DBNDD1: variants seen among roughly 807,000 people sequenced by gnomAD.
DBNDD1 encodes the protein dysbindin domain-containing protein 1.
Under a neutral mutation model 17.0 loss-of-function variants are expected in DBNDD1, and 14 were observed. The observed-to-expected ratio is 0.82, with a 90% confidence interval of 0.54 to 1.29. DBNDD1 has a LOEUF of 1.29. Ranked by LOEUF, DBNDD1 falls within the 50% of genes most tolerant of loss-of-function variation. The pLI, the probability that DBNDD1 is intolerant of heterozygous loss-of-function variation, is 0.00. For synonymous variants in DBNDD1, 105 were observed against 102.0 expected, an observed-to-expected ratio of 1.03 and a Z score of -0.18; for missense variants, 221 against 216.2, an observed-to-expected ratio of 1.02 and a Z score of -0.14.
intron 1 of DBNDD1, chr16:90,010,025 A>G: frequency 6.2e-7 from 1 of 1,614,148 alleles, no homozygotes; most frequent in Non-Finnish European, 8.5e-7. Flanking sequence ...AGTTGAGCAA[A>G]TATTCTTCCA....
intron 2 of DBNDD1, 156 bp from the exon 3 acceptor site, chr16:90,009,080 T>TGAGTA: frequency 8.3e-7 from 1 of 1,198,580 alleles, no homozygotes; most frequent in South Asian, 1.6e-5. Context: ...TGATGAGTGT[T>TGAGTA]GCGTATACTC....
intron 1 of DBNDD1, among the ~76,000 whole-genome samples, chr16:90,015,837 G>C (rs912207972): frequency 1.3e-5 from 2 of 152,104 alleles, no homozygotes; most frequent in African/African-American, 4.8e-5. Flanking sequence ...GATCGTCAGA[G>C]GCTGGGGGGT....
chr16:90,009,070 T>C, intron 2 of DBNDD1, 146 bp from the exon 3 acceptor site: 1 of 1,233,032 alleles, frequency 8.1e-7, no homozygotes, highest in Non-Finnish European at 1.1e-6. Flanking sequence ...CGGCAGGATC[T>C]GATGAGTGTT....
intron 1 of DBNDD1, among the ~76,000 whole-genome samples, chr16:90,018,525 T>C (rs2035688853): frequency 6.6e-6 from 1 of 152,206 alleles, no homozygotes; most frequent in Non-Finnish European, 1.5e-5. Context: ...GGTGGTGGGC[T>C]TGGCTGGGCA....
Position 90,011,056 on chromosome 16 carries a change from TG to T in DBNDD1, c.32-1627del, listed in dbSNP as rs780440413. On this transcript the variant is annotated intron_variant, in intron 1 of 3. Coordinates refer to ENST00000002501, the MANE Select transcript of DBNDD1 (RefSeq NM_001042610.3). ...CACCAGCACCTCCCACCTGAGTGGGTGCCCAGCGCACGCTTGTCAGATGGAT... is the reference window on the plus strand; with the variant it reads ...CACCAGCACCTCCCACCTGAGTGGGTCCCAGCGCACGCTTGTCAGATGGAT... 8.9e-4 allele frequency among the ~76,000 whole-genome samples: 136 copies of T among 152,266 alleles called. 1 individual carries two copies. Among genetic ancestry groups the T allele is most frequent in the Non-Finnish European group, 9.4e-4 (64 of 68,018 alleles).
intron 1 of DBNDD1, among the ~76,000 whole-genome samples, chr16:90,014,998 CT>C (rs67991459): frequency 0.79 from 114,910 of 146,070 alleles, 45,922 homozygotes; most frequent in Non-Finnish European, 0.86. Flanking sequence ...GAACGAGACT[CT>C]TGTTTCAAAA....
chr16:90,006,548 GC>G (rs1422360544), intron 3 of DBNDD1, 56 bp from the exon 4 acceptor site: 27 of 1,567,704 alleles, frequency 1.7e-5, no homozygotes, highest in Non-Finnish European at 2.2e-5. Context: ...GGTGGATGCT[GC>G]GGAGCTCCAG....
intron 1 of DBNDD1, among the ~76,000 whole-genome samples, chr16:90,018,725 C>G (rs931056465): frequency 2.6e-5 from 4 of 152,242 alleles, no homozygotes; most frequent in Non-Finnish European, 5.9e-5. Flanking sequence ...CCTACCCTCC[C>G]CGATGAGCGT....
chr16:90,010,156 C>T (rs2035525482), intron 1 of DBNDD1: 1 of 980,336 alleles, frequency 1.0e-6, no homozygotes. Context: ...AGCGATTCTC[C>T]TGCCTCATCC....
chr16:90,019,335 G>C lies in DBNDD1; in HGVS notation c.7C>G (p.Pro3Ala). 8.2e-7 allele frequency: 1 copy of C among 1,218,958 alleles called. No individual in the cohort carries two copies. Among genetic ancestry groups the C allele is most frequent in the Non-Finnish European group, 1.0e-6 (1 of 979,482 alleles). 75.5% of individuals were successfully genotyped at this position (1,218,958 alleles called of 1,614,324 possible). ME[P>A]PEGAGTGEIV... ...CCTCCGGTGCCGGCGCCCTCCGGGG[G>C]CTCCATGCGGCCGGTGCGGTCTGGG... Residue 3 changes from proline to alanine, a missense_variant, in exon 1 of 4, where the codon CCC (proline) becomes GCC (alanine). Transcript: ENST00000002501. The surrounding 1 kb of genome is among the most constrained non-coding windows in gnomAD (Gnocchi z 6.1).
intron 1 of DBNDD1, among the ~76,000 whole-genome samples, chr16:90,010,874 C>G (rs1440016267): frequency 1.3e-5 from 2 of 152,240 alleles, no homozygotes; most frequent in African/African-American, 4.8e-5. Context: ...GTGCATGCCC[C>G]CCTTTGGCCC....
At chr16:90,016,730 C>G (rs1297419992) in intron 1 of DBNDD1, among the ~76,000 whole-genome samples, 1 of 152,206 alleles carries the variant, frequency 6.6e-6, no homozygotes, top group Non-Finnish European at 1.5e-5. Flanking sequence ...CCAGCACATT[C>G]TCGACTGGGA....
chr16:90,009,541 C>T, intron 1 of DBNDD1, 111 bp from the exon 2 acceptor site: 2 of 1,489,530 alleles, frequency 1.3e-6, no homozygotes, highest in South Asian at 1.2e-5. Flanking sequence ...AAACTCTGGG[C>T]AGTGACCAGC....
chr16:90,012,876 GA>G (rs2035578244), intron 1 of DBNDD1, among the ~76,000 whole-genome samples: 3 of 151,938 alleles, frequency 2.0e-5, no homozygotes, highest in Admixed American at 2.0e-4. Flanking sequence ...TCAGCCTCCT[GA>G]GTAGCTGGGA....
intron 1 of DBNDD1, among the ~76,000 whole-genome samples, chr16:90,010,935 TC>T (rs149440033): frequency 1.3e-5 from 2 of 152,078 alleles, no homozygotes; most frequent in African/African-American, 4.8e-5. Context: ...CTGGCTTCCT[TC>T]CCCCCACCCA....
chr16:90,010,946 A>C (rs369855668), intron 1 of DBNDD1, among the ~76,000 whole-genome samples: 3 of 151,628 alleles, frequency 2.0e-5, no homozygotes, highest in Non-Finnish European at 4.4e-5. Flanking sequence ...CCCCCCACCC[A>C]TTGCCCCTGC....
chr16:90,014,834 C>T (rs1005642213), intron 1 of DBNDD1, among the ~76,000 whole-genome samples: 64 of 151,986 alleles, frequency 4.2e-4, no homozygotes, highest in African/African-American at 1.4e-3. Context: ...GGCGAAACCC[C>T]GTCTCTACTA....
Position 90,009,292 on chromosome 16 carries a change from T to C in DBNDD1, c.170A>G (p.Glu57Gly), listed in dbSNP as rs1391224103. The C allele has an allele frequency of 1.2e-6, 2 of 1,613,184 alleles. No homozygotes were observed. Among genetic ancestry groups the C allele is most frequent in the African/African-American group, 2.7e-5 (2 of 74,900 alleles). The change falls in exon 2 of 4, where the codon GAG becomes GGG. Residue 57 changes from glutamate to glycine, a missense_variant. Physicochemically the swap from Glu to Gly is moderately conservative, Grantham distance 98 (BLOSUM62 -2). Coordinates refer to ENST00000002501, the MANE Select transcript of DBNDD1 (RefSeq NM_001042610.3). ...VPAPGLLQVTERRQPLSSVSS... is the reference protein window; with the variant it reads ...VPAPGLLQVTGRRQPLSSVSS... ...CAGGGAGCAGTACTTACGCCTCCTC[T>C]CCGTGACCTGCAGGAGCCCCGGTGC...
chr16:90,010,271 C>A, intron 1 of DBNDD1: 1 of 430,122 alleles, frequency 2.3e-6, no homozygotes, highest in Non-Finnish European at 4.1e-6. Context: ...AACTCCTGAC[C>A]TCAGGTGATC....
Sources: allele counts gnomAD v4.1 joint callset (sites outside exome capture counted in the v4.1 genomes callset), GRCh38; gene constraint gnomAD v4.1.1; non-coding constraint Gnocchi (gnomAD v3.1); transcripts MANE v1.5; gene names NCBI Gene and HGNC (gene_info 2026-07-23, HGNC 2026-07-21).